KSR1: variants seen among roughly 807,000 people sequenced by gnomAD.
KSR1 encodes kinase suppressor of ras 1, also known as kinase suppressor of ras.
Under a neutral mutation model 92.9 loss-of-function variants are expected in KSR1, and 35 were observed. That is an observed-to-expected ratio of 0.38 (90% confidence interval 0.29 to 0.50). The LOEUF (loss-of-function observed/expected upper bound fraction) is 0.50. Among genes scored for constraint, KSR1 ranks in the 20% least tolerant of loss-of-function variants. The pLI is 0.94. For synonymous variants in KSR1, 467 were observed against 472.6 expected, an observed-to-expected ratio of 0.99 and a Z score of 0.15; for missense variants, 972 against 1,158.5, an observed-to-expected ratio of 0.84 and a Z score of 2.34.
chr17:27,568,332 T>TA (rs758346079), intron 2 of KSR1, among the ~76,000 whole-genome samples: 9 of 152,224 alleles, frequency 5.9e-5, no homozygotes, highest in Non-Finnish European at 1.0e-4. Flanking sequence ...CCTCACGTGC[T>TA]AAACACTGGG....
In KSR1 at chr17:27,623,008, C is replaced by A. The variant is rs1002265262; in HGVS notation, c.2709-306C>A. 25 of 420,362 alleles carry A rather than the reference C, an allele frequency of 5.9e-5. No homozygotes were observed. In the Admixed American group the frequency reaches 8.6e-4, roughly 14 times the overall value. 26.0% of individuals were successfully genotyped at this position (420,362 alleles called of 1,614,324 possible). A position where few individuals can be genotyped will look rare whatever the true frequency, so the allele number is the denominator to read the frequency against. On this transcript the variant is annotated intron_variant, in intron 20 of 20. Coordinates refer to ENST00000644974, the MANE Select transcript of KSR1 (RefSeq NM_001394583.1). ...CTCTCAGTTCTACTTGGAGCAAGAG[C>A]TTTCCTGGGCTGCAAATGAGAAAAC...
intron 1 of KSR1, among the ~76,000 whole-genome samples, chr17:27,493,122 G>C (rs141272410): frequency 6.6e-6 from 1 of 152,282 alleles, no homozygotes; most frequent in East Asian, 1.9e-4. Flanking sequence ...TACTATGTGA[G>C]GTACATGATA....
intron 2 of KSR1, chr17:27,560,416 T>C (rs766869155): frequency 1.9e-6 from 1 of 519,074 alleles, no homozygotes; most frequent in Non-Finnish European, 3.8e-6. Context: ...AATAAGCTCT[T>C]ACTGCTGGTG....
chr17:27,487,833 A>G (rs2068713590), intron 1 of KSR1, among the ~76,000 whole-genome samples: 1 of 152,124 alleles, frequency 6.6e-6, no homozygotes, highest in South Asian at 2.1e-4. Flanking sequence ...AGGAGGAGGT[A>G]CCAGGCTCCT....
chr17:27,539,986 G>T (rs560207340), intron 1 of KSR1, among the ~76,000 whole-genome samples: 1 of 152,250 alleles, frequency 6.6e-6, no homozygotes, highest in Non-Finnish European at 1.5e-5. Flanking sequence ...CCTAGCAGTT[G>T]TTGCTGAGAA....
chr17:27,485,969 G>A (rs541056587), intron 1 of KSR1, among the ~76,000 whole-genome samples: 9 of 152,344 alleles, frequency 5.9e-5, no homozygotes, highest in South Asian at 2.1e-4. Context: ...TTCTCCAAAC[G>A]TTAGTTCTTC....
rs533909089 is a variant in KSR1 at position 27,456,888 on chromosome 17, G to T, written c.231+14G>T. 2.4e-6 allele frequency: 2 copies of T among 830,474 alleles called. No homozygotes were observed. Among genetic ancestry groups the T allele is most frequent in the Non-Finnish European group, 4.2e-6 (2 of 480,470 alleles). 51.4% of individuals were successfully genotyped at this position (830,474 alleles called of 1,614,324 possible). A position where few individuals can be genotyped will look rare whatever the true frequency, so the allele number is the denominator to read the frequency against. ...CGGACCCTGGAGGTAAGTGGGTCGG[G>T]GACCAGGCTGGGCTCGAGGAGCGGG... On this transcript the variant is annotated intron_variant, in intron 1 of 20. Coordinates refer to ENST00000644974, the MANE Select transcript of KSR1 (RefSeq NM_001394583.1).
At chr17:27,475,443 T>G (rs2068311742) in intron 1 of KSR1, among the ~76,000 whole-genome samples, 1 of 152,222 alleles carries the variant, frequency 6.6e-6, no homozygotes, top group Non-Finnish European at 1.5e-5. Context: ...AAAGTCACTT[T>G]CTGACTGCGT....
intron 9 of KSR1, among the ~76,000 whole-genome samples, chr17:27,594,630 GT>G (rs1206256179): frequency 1.3e-5 from 2 of 152,168 alleles, no homozygotes; most frequent in Non-Finnish European, 2.9e-5. Flanking sequence ...CCCACTGAAG[GT>G]TGCTATGATA....
At position 27,617,289 on chromosome 17, in the gene KSR1, T is replaced by C; in HGVS notation, c.2494-6T>C. On this transcript the variant is annotated splice_region_variant and splice_polypyrimidine_tract_variant and intron_variant, in intron 18 of 20. Transcript: ENST00000644974. ...CACACACCACTAATGGCAGCTCCAT[T>C]TGCAGGAGATCCTGTCGGCCTGCTG... 6.2e-7 allele frequency: 1 copy of C among 1,603,608 alleles called. No homozygotes were observed. The highest frequency in any genetic ancestry group is 8.5e-7 in the Non-Finnish European group (1 of 1,172,812).
chr17:27,598,261 A>G (rs1201498474), intron 10 of KSR1, among the ~76,000 whole-genome samples: 1 of 151,838 alleles, frequency 6.6e-6, no homozygotes, highest in Non-Finnish European at 1.5e-5. Flanking sequence ...TGACTGTGAC[A>G]CTCCTGTTTG....
chr17:27,609,355 G>C, intron 16 of KSR1, 26 bp downstream of exon 16: 1 of 1,612,698 alleles, frequency 6.2e-7, no homozygotes, highest in Non-Finnish European at 8.5e-7. Flanking sequence ...GTGTCTGGGT[G>C]GGTTGTGGGT....
intron 2 of KSR1, among the ~76,000 whole-genome samples, chr17:27,561,004 G>A (rs1207120862): frequency 6.6e-6 from 1 of 152,196 alleles, no homozygotes; most frequent in African/African-American, 2.4e-5. Context: ...GGCAAGTGGT[G>A]GACTGGCATG....
chr17:27,551,937 CA>C (rs2071411590), intron 2 of KSR1, among the ~76,000 whole-genome samples: 2 of 152,298 alleles, frequency 1.3e-5, no homozygotes, highest in African/African-American at 4.8e-5. Flanking sequence ...CTGTTTCCTT[CA>C]GGATAAACGC....
chr17:27,541,282 A>C (rs538907213), intron 1 of KSR1, among the ~76,000 whole-genome samples: 3 of 152,370 alleles, frequency 2.0e-5, no homozygotes, highest in African/African-American at 7.2e-5. Flanking sequence ...GTGATGGACG[A>C]ATGGAGTGGC....
intron 3 of KSR1, chr17:27,579,534 T>C (rs1393538558): frequency 1.3e-5 from 2 of 152,064 alleles, no homozygotes; most frequent in African/African-American, 4.8e-5. Context: ...GCCTATGAGG[T>C]GATAGAAAGT....
intron 2 of KSR1, among the ~76,000 whole-genome samples, chr17:27,555,547 G>T (rs914713696): frequency 6.9e-6 from 1 of 144,068 alleles, no homozygotes; most frequent in South Asian, 2.1e-4. Context: ...TAGCACTTCC[G>T]TGTGTAGCAC....
chr17:27,503,808 C>T (rs541233044), intron 1 of KSR1, among the ~76,000 whole-genome samples: 80 of 152,252 alleles, frequency 5.3e-4, no homozygotes, highest in Admixed American at 3.3e-4. Context: ...ATGGTGGAGG[C>T]GCCGTCAGCC....
At position 27,577,947 on chromosome 17, in the gene KSR1, G is replaced by T. The variant is rs911218635; in HGVS notation, c.520+308G>T. The T allele has an allele frequency of 1.0e-5, 5 of 476,598 alleles. No homozygotes were observed. Among genetic ancestry groups the T allele is most frequent in the African/African-American group, 9.9e-5 (5 of 50,702 alleles). 29.5% of individuals were successfully genotyped at this position (476,598 alleles called of 1,614,324 possible). ...CTGTTGAGGGCTCTGTGTACCCTCT[G>T]CCAGCTTCCCACATTCCAGCCCCCA... On this transcript the variant is annotated intron_variant, in intron 3 of 20. Coordinates refer to ENST00000644974, the MANE Select transcript of KSR1 (RefSeq NM_001394583.1). The surrounding 1 kb of genome is among the most constrained non-coding windows in gnomAD (Gnocchi z 4.5).
Sources: gnomAD v4.1 joint callset for allele counts (sites outside exome capture counted in the v4.1 genomes callset) on GRCh38, gnomAD v4.1.1 for gene constraint, Gnocchi (gnomAD v3.1) non-coding constraint, MANE v1.5 for transcripts, NCBI Gene and HGNC (gene_info 2026-07-23, HGNC 2026-07-21) for gene names.